Variants in LDAH observed in about 807,000 individuals in gnomAD.
LDAH encodes lipid droplet-associated hydrolase.
A neutral mutation model predicts 29.6 loss-of-function variants in LDAH; 26 were observed. The observed-to-expected ratio is 0.88, with a 90% CI of 0.64 to 1.22. LDAH has a LOEUF of 1.22. LDAH is among the 50% of genes most tolerant of loss of function. The probability of loss-of-function intolerance (pLI) is 0.00; values close to 1 mark genes in which losing one functional copy is unlikely to be tolerated. For missense variants in LDAH, 344 were observed against 387.3 expected, an observed-to-expected ratio of 0.89 and a Z score of 0.94; for synonymous variants, 117 against 133.0, an observed-to-expected ratio of 0.88 and a Z score of 0.83.
chr2:20,751,152 A>C (rs1667946333), intron 4 of LDAH, among the ~76,000 whole-genome samples: 2 of 152,226 alleles, frequency 1.3e-5, no homozygotes, highest in African/African-American at 4.8e-5. Flanking sequence ...TAAAAGTTGA[A>C]GTTTTTTTAA....
intron 5 of LDAH, among the ~76,000 whole-genome samples, chr2:20,737,486 T>A (rs1666870863): frequency 6.6e-6 from 1 of 152,244 alleles, no homozygotes; most frequent in South Asian, 2.1e-4. Context: ...CTTATCAAAG[T>A]ATATGTGGAG....
chr2:20,690,692 C>A (rs573503785), intron 6 of LDAH, among the ~76,000 whole-genome samples: 1 of 151,344 alleles, frequency 6.6e-6, no homozygotes, highest in Admixed American at 6.6e-5. Flanking sequence ...GTGGCACTGG[C>A]GGGGGATGGG....
intron 4 of LDAH, among the ~76,000 whole-genome samples, chr2:20,753,606 A>G (rs977169617): frequency 1.6e-4 from 24 of 152,100 alleles, no homozygotes; most frequent in African/African-American, 5.8e-4. Flanking sequence ...GGGGAGGGCA[A>G]ATGCAATGAA....
At chr2:20,782,154 G>A (rs765311112) in intron 3 of LDAH, among the ~76,000 whole-genome samples, 1 of 152,100 alleles carries the variant, frequency 6.6e-6, no homozygotes, top group Non-Finnish European at 1.5e-5. Context: ...TATTACCTGG[G>A]AACTTGTTAG....
chr2:20,801,964 G>A (rs1321637591), intron 1 of LDAH, among the ~76,000 whole-genome samples: 4 of 148,992 alleles, frequency 2.7e-5, no homozygotes, highest in African/African-American at 1.0e-4. Context: ...GTGTATGTGT[G>A]TGTGTGTGTG....
intron 5 of LDAH, among the ~76,000 whole-genome samples, chr2:20,718,706 AAC>A (rs1205243280): frequency 3.3e-5 from 5 of 152,152 alleles, no homozygotes; most frequent in Admixed American, 6.5e-5. Context: ...ACTACTGCAG[AAC>A]ACACATTTTT....
At chr2:20,687,169 C>T (rs1662622819) in intron 6 of LDAH, 75 bp from the exon 7 acceptor site, 2 of 1,289,540 alleles carry the variant, frequency 1.6e-6, no homozygotes, top group Non-Finnish European at 2.2e-6. Context: ...CAGCAGCCGG[C>T]AGTGCTCTGA....
At chr2:20,811,705 C>G (rs997422101) in intron 1 of LDAH, among the ~76,000 whole-genome samples, 4 of 151,798 alleles carry the variant, frequency 2.6e-5, no homozygotes, top group African/African-American at 4.8e-5. Context: ...AGGACGGTCT[C>G]GATCTCCTGA....
chr2:20,791,691 GCTATAACAT>G (rs1410163304), intron 2 of LDAH, among the ~76,000 whole-genome samples: 8 of 152,142 alleles, frequency 5.3e-5, no homozygotes, highest in Non-Finnish European at 8.8e-5. Flanking sequence ...CAGCACAGGG[GCTATAACAT>G]CTATGGAAGC....
intron 5 of LDAH, among the ~76,000 whole-genome samples, chr2:20,725,922 T>C (rs960010269): frequency 2.0e-5 from 3 of 151,912 alleles, no homozygotes; most frequent in Admixed American, 6.6e-5. Context: ...GACAACAGAG[T>C]AGAAACATAC....
At chr2:20,740,624 TA>T in intron 4 of LDAH, among the ~76,000 whole-genome samples, 1 of 152,304 alleles carries the variant, frequency 6.6e-6, no homozygotes, top group South Asian at 2.1e-4. Context: ...CATTTCTTTT[TA>T]ATGCTAAAAA....
chr2:20,810,932 A>C (rs1672439589), intron 1 of LDAH, among the ~76,000 whole-genome samples: 1 of 152,158 alleles, frequency 6.6e-6, no homozygotes, highest in African/African-American at 2.4e-5. Flanking sequence ...GTTTCATCCC[A>C]AAACCATCAC....
At position 20,797,922 on chromosome 2, in the gene LDAH, C is replaced by A. The variant is rs189938749; in HGVS notation, c.154+3388G>T. Among the ~76,000 whole-genome samples, 21 of 152,272 alleles carry A rather than the reference C, an allele frequency of 1.4e-4. 1 individual carries two copies. The highest frequency in any genetic ancestry group is 1.3e-3 in the Admixed American group (20 of 15,296). ...CAAGTACCTTGTATGAAAAAACAGT[C>A]ACACCAAGGTGCTTCACTGTAAAAT... On this transcript the variant is annotated intron_variant, in intron 2 of 6. Transcript: ENST00000237822.
chr2:20,792,856 A>T (rs1671066907), intron 2 of LDAH, among the ~76,000 whole-genome samples: 1 of 152,198 alleles, frequency 6.6e-6, no homozygotes. Flanking sequence ...CCACCATGGC[A>T]CATGTATACC....
chr2:20,711,342 G>A (rs1212998485), intron 5 of LDAH, among the ~76,000 whole-genome samples: 3 of 150,538 alleles, frequency 2.0e-5, no homozygotes, highest in South Asian at 2.1e-4. Flanking sequence ...CCGAGATTGC[G>A]CCACTGCACT....
intron 5 of LDAH, among the ~76,000 whole-genome samples, chr2:20,717,453 T>A (rs183994431): frequency 6.0e-4 from 91 of 152,202 alleles, no homozygotes; most frequent in Middle Eastern, 6.8e-3. Context: ...ATTTCAGAAG[T>A]TACTCAAATT....
At chr2:20,749,293 C>T (rs920952262) in intron 4 of LDAH, among the ~76,000 whole-genome samples, 3 of 152,142 alleles carry the variant, frequency 2.0e-5, no homozygotes, top group Non-Finnish European at 4.4e-5. Flanking sequence ...AAGAAATTTT[C>T]TTGACAAACA....
intron 1 of LDAH, among the ~76,000 whole-genome samples, chr2:20,807,356 C>T (rs1672136114): frequency 6.6e-6 from 1 of 151,970 alleles, no homozygotes; most frequent in African/African-American, 2.4e-5. Flanking sequence ...GGGACACTTC[C>T]CAACTCATTT....
At chr2:20,768,123 C>T (rs115186812) in intron 4 of LDAH, among the ~76,000 whole-genome samples, 3,951 of 152,308 alleles carry the variant, frequency 0.026, 166 homozygotes, top group African/African-American at 0.091. Flanking sequence ...GTCTGCAAAC[C>T]TCATTCTTCC....
Sources: gnomAD v4.1 joint callset for allele counts (sites outside exome capture counted in the v4.1 genomes callset) on GRCh38, gnomAD v4.1.1 for gene constraint, MANE v1.5 for transcripts, NCBI Gene and HGNC (gene_info 2026-07-23, HGNC 2026-07-21) for gene names.